PHF14: variants seen among roughly 807,000 people sequenced by gnomAD.
PHF14 encodes PHD finger protein 14.
In PHF14, 55 loss-of-function variants were observed where a neutral mutation model predicts 117.9. The ratio of observed to expected loss-of-function variants is 0.47; its 90% CI spans 0.38 to 0.58. PHF14 has a LOEUF of 0.58. Among genes scored for constraint, PHF14 ranks in the 20% least tolerant of loss-of-function variants. The probability of loss-of-function intolerance (pLI) is 0.00; values close to 1 mark genes in which losing one functional copy is unlikely to be tolerated. For missense variants in PHF14, 978 were observed against 1,122.2 expected (o/e 0.87, Z 1.84); for synonymous variants, 409 against 368.6 (o/e 1.11, Z -1.26).
chr7:11,164,961 A>C (rs529324324), intron 17 of PHF14, among the ~76,000 whole-genome samples: 2 of 152,052 alleles, frequency 1.3e-5, no homozygotes, highest in African/African-American at 4.8e-5. Context: ...GTCTCGCTCA[A>C]TTGCCCAGGC....
At chr7:10,975,036 A>T in intron 2 of PHF14, 91 bp downstream of exon 2, 1 of 716,072 alleles carries the variant, frequency 1.4e-6, no homozygotes, top group Non-Finnish European at 2.4e-6. Context: ...TAAAATGCCA[A>T]TTTTAAGTGA....
chr7:11,124,497 A>T (rs1412796844), intron 17 of PHF14, among the ~76,000 whole-genome samples: 2 of 152,162 alleles, frequency 1.3e-5, no homozygotes. Context: ...AATAGAAGTT[A>T]ACATTTTGTT....
chr7:11,029,648 T>A (rs950999539), intron 7 of PHF14, among the ~76,000 whole-genome samples: 4 of 152,122 alleles, frequency 2.6e-5, no homozygotes, highest in Admixed American at 2.0e-4. Context: ...TGCAAAAAAT[T>A]TTCAGTTTTA....
At chr7:11,051,307 C>T (rs1322142289) in intron 13 of PHF14, among the ~76,000 whole-genome samples, 6 of 152,102 alleles carry the variant, frequency 3.9e-5, no homozygotes, top group African/African-American at 1.4e-4. Flanking sequence ...TGAGCCACTG[C>T]AGCTGGCAAA....
intron 5 of PHF14, among the ~76,000 whole-genome samples, chr7:11,017,501 A>AG: frequency 6.6e-6 from 1 of 152,152 alleles, no homozygotes; most frequent in South Asian, 2.1e-4. Flanking sequence ...AAGGATTTTG[A>AG]GTCCCTTTTC....
chr7:11,084,495 GT>G (rs11291559), intron 16 of PHF14, among the ~76,000 whole-genome samples: 69,664 of 141,312 alleles, frequency 0.49, 16,957 homozygotes, highest in East Asian at 0.85. Context: ...TTACTCTTGT[GT>G]TTTTTTTTTT....
At chr7:11,038,207 A>G (rs1277896811) in intron 10 of PHF14, among the ~76,000 whole-genome samples, 1 of 152,058 alleles carries the variant, frequency 6.6e-6, no homozygotes, top group Non-Finnish European at 1.5e-5. Flanking sequence ...AGGTCAAGAG[A>G]TCGAGACCAT....
At chr7:11,161,463 C>G (rs1789021589) in intron 17 of PHF14, among the ~76,000 whole-genome samples, 1 of 151,712 alleles carries the variant, frequency 6.6e-6, no homozygotes, top group South Asian at 2.1e-4. Context: ...TTAGTTATCG[C>G]TGAGTAATTT....
chr7:11,164,662 T>C (rs1789147975), intron 17 of PHF14, among the ~76,000 whole-genome samples: 1 of 152,218 alleles, frequency 6.6e-6, no homozygotes, highest in Non-Finnish European at 1.5e-5. Context: ...ACAGAAAATT[T>C]GCAAAAATAG....
intron 4 of PHF14, among the ~76,000 whole-genome samples, chr7:10,992,837 T>C (rs1172439602): frequency 5.9e-5 from 9 of 152,356 alleles, no homozygotes; most frequent in Non-Finnish European, 1.0e-4. Context: ...GGATCATGTA[T>C]TGCATTTAAT....
At position 11,042,822 on chromosome 7, in the gene PHF14, A is replaced by G. The variant is rs561486548; in HGVS notation, c.2312+8A>G. 22 of 1,549,488 alleles carry G rather than the reference A, an allele frequency of 1.4e-5. No individual in the cohort carries two copies. In the African/African-American group the frequency reaches 3.0e-4, roughly 21 times the overall value. On this transcript the variant is annotated splice_region_variant and intron_variant, in intron 13 of 17. Coordinates refer to ENST00000634607, the MANE Select transcript of PHF14 (RefSeq NM_001007157.2). ...GACCAAAAACAGTTATTGGTGAGTA[A>G]AATAGAGGAGATTTAGATGTTTGAA... is the stretch of plus-strand genomic sequence containing the variant.
chr7:11,027,785 C>T (rs1562427608), intron 6 of PHF14, among the ~76,000 whole-genome samples: 1 of 152,016 alleles, frequency 6.6e-6, no homozygotes. Flanking sequence ...TCTCTGGTCT[C>T]TTGTTTCCTT....
chr7:11,101,065 C>T (rs991628855), intron 16 of PHF14, among the ~76,000 whole-genome samples: 1 of 151,882 alleles, frequency 6.6e-6, no homozygotes, highest in Non-Finnish European at 1.5e-5. Context: ...ATTTAAAATA[C>T]TGCACAGTTT....
At chr7:11,114,087 A>C (rs1168116598) in intron 17 of PHF14, among the ~76,000 whole-genome samples, 1 of 152,166 alleles carries the variant, frequency 6.6e-6, no homozygotes, top group African/African-American at 2.4e-5. Flanking sequence ...TATTGCCATA[A>C]GAAAGGAAGT....
chr7:11,167,155 A>G (rs1278008935), intron 17 of PHF14, among the ~76,000 whole-genome samples: 10 of 152,162 alleles, frequency 6.6e-5, no homozygotes, highest in Non-Finnish European at 1.3e-4. Context: ...TTTGACTTAG[A>G]GCAGCAAGGT....
intron 7 of PHF14, among the ~76,000 whole-genome samples, chr7:11,032,499 A>C (rs1041676481): frequency 1.0e-5 from 1 of 95,860 alleles, no homozygotes; most frequent in African/African-American, 7.8e-5. Flanking sequence ...GCTTTGTTTA[A>C]AAAAAAAAAA....
chr7:11,145,808 T>TA (rs1282328204), intron 17 of PHF14, among the ~76,000 whole-genome samples: 1 of 152,108 alleles, frequency 6.6e-6, no homozygotes, highest in East Asian at 1.9e-4. Flanking sequence ...CATAGATGCC[T>TA]AAACCTTTTA....
At chr7:11,149,656 A>C (rs762332076) in intron 17 of PHF14, among the ~76,000 whole-genome samples, 14 of 152,150 alleles carry the variant, frequency 9.2e-5, no homozygotes, top group Non-Finnish European at 1.5e-4. Context: ...TCAGTCTTGA[A>C]ATTTAGGGAG....
chr7:11,162,278 C>T (rs141709984), intron 17 of PHF14, among the ~76,000 whole-genome samples: 1,932 of 151,584 alleles, frequency 0.013, 125 homozygotes, highest in East Asian at 0.098. Flanking sequence ...TTAGTGGAGA[C>T]GGGGTTTCTC....
Sources: allele counts gnomAD v4.1 joint callset (sites outside exome capture counted in the v4.1 genomes callset), GRCh38; gene constraint gnomAD v4.1.1; transcripts MANE v1.5; gene names NCBI Gene and HGNC (gene_info 2026-07-23, HGNC 2026-07-21).